The following RBFOX1 variants were observed in gnomAD, a reference collection of about 807,000 sequenced individuals.
RBFOX1 encodes RNA binding protein fox-1 homolog 1.
Under a neutral mutation model 57.7 loss-of-function variants are expected in RBFOX1, and 8 were observed. The observed-to-expected ratio is 0.14, with a 90% CI of 0.08 to 0.25. RBFOX1 has a LOEUF of 0.25. Ranked by LOEUF, RBFOX1 falls within the 10% of genes least tolerant of loss-of-function variation. RBFOX1 has a pLI of 1.00. For synonymous variants in RBFOX1, 326 were observed against 222.4 expected, an observed-to-expected ratio of 1.47 and a Z score of -4.15; for missense variants, 611 against 548.5, an observed-to-expected ratio of 1.11 and a Z score of -1.14.
At chr16:7,650,313 CTTTTTT>C (rs35693712) in intron 11 of RBFOX1, among the ~76,000 whole-genome samples, 2 of 138,918 alleles carry the variant, frequency 1.4e-5, no homozygotes, top group Non-Finnish European at 3.1e-5. Flanking sequence ...GTGGAACTCT[CTTTTTT>C]TTTTTTTTTT....
intron 1 of RBFOX1, among the ~76,000 whole-genome samples, chr16:5,292,530 C>G (rs1000409877): frequency 2.1e-4 from 32 of 152,148 alleles, no homozygotes; most frequent in African/African-American, 7.5e-4. Context: ...TCCATTAAGA[C>G]CCAATGCAAA....
intron 3 of RBFOX1, among the ~76,000 whole-genome samples, chr16:5,829,128 A>G (rs1424119440): frequency 6.6e-6 from 1 of 152,166 alleles, no homozygotes; most frequent in African/African-American, 2.4e-5. Context: ...AGACCACTCA[A>G]AGGAATGTGT....
chr16:5,408,196 G>GGCTTTT (rs2066915687), intron 1 of RBFOX1, among the ~76,000 whole-genome samples: 1 of 152,172 alleles, frequency 6.6e-6, no homozygotes. Flanking sequence ...GCCAGGAGGA[G>GGCTTTT]GCTTTTATTA....
intron 3 of RBFOX1, among the ~76,000 whole-genome samples, chr16:6,967,718 G>A (rs137987773): frequency 2.0e-5 from 3 of 152,038 alleles, no homozygotes; most frequent in South Asian, 2.1e-4. Context: ...TTGGTCAAAT[G>A]GGTCTTCTTT....
At chr16:5,941,622 A>T (rs948742125) in intron 4 of RBFOX1, among the ~76,000 whole-genome samples, 3 of 152,206 alleles carry the variant, frequency 2.0e-5, no homozygotes, top group Non-Finnish European at 2.9e-5. Flanking sequence ...ATATGTGCTC[A>T]ATTAAAATGT....
At chr16:6,865,249 C>T (rs375264281) in intron 3 of RBFOX1, among the ~76,000 whole-genome samples, 25 of 151,876 alleles carry the variant, frequency 1.6e-4, no homozygotes, top group African/African-American at 2.9e-4. Flanking sequence ...GTGATCCACC[C>T]GCCTTGGCCT....
intron 4 of RBFOX1, among the ~76,000 whole-genome samples, chr16:7,278,327 G>C (rs150287901): frequency 6.6e-6 from 1 of 152,154 alleles, no homozygotes; most frequent in African/African-American, 2.4e-5. Flanking sequence ...ACCTCCTTCA[G>C]TGTCTCTAGA....
At chr16:6,151,230 A>G (rs2096795236) in intron 1 of RBFOX1, among the ~76,000 whole-genome samples, 1 of 152,168 alleles carries the variant, frequency 6.6e-6, no homozygotes, top group African/African-American at 2.4e-5. Flanking sequence ...AGGCTTAAGG[A>G]ACCCCGCGAC....
At chr16:7,385,167 A>G (rs2097855043) in intron 4 of RBFOX1, among the ~76,000 whole-genome samples, 1 of 152,250 alleles carries the variant, frequency 6.6e-6, no homozygotes, top group African/African-American at 2.4e-5. Flanking sequence ...AACCACGATA[A>G]TGAATATAAG....
Position 6,097,372 on chromosome 16 carries a change from C to G in RBFOX1, c.-127+77380C>G, listed in dbSNP as rs1415827145. ...TATTAAAATTTTGCAAGCCGCCACT[C>G]TAGAGAAGTACCACTCAAACCATGG... On this transcript the variant is annotated intron_variant, in intron 1 of 15. Transcript: ENST00000550418. This position sits in a 1 kb window ranked among gnomAD's most constrained non-coding sequence, Gnocchi z 5.0. Among the ~76,000 whole-genome samples, 4 of 152,110 alleles carry G rather than the reference C, an allele frequency of 2.6e-5. No individual in the cohort carries two copies. Among genetic ancestry groups the G allele is most frequent in the African/African-American group, 9.7e-5 (4 of 41,410 alleles).
At chr16:5,314,829 G>GGA (rs1555487992) in intron 1 of RBFOX1, among the ~76,000 whole-genome samples, 2 of 139,450 alleles carry the variant, frequency 1.4e-5, no homozygotes, top group Non-Finnish European at 3.1e-5. Flanking sequence ...GAAGATATTG[G>GGA]AAAAAAAAAA....
At chr16:5,969,450 T>A (rs980547189) in intron 4 of RBFOX1, among the ~76,000 whole-genome samples, 1 of 150,932 alleles carries the variant, frequency 6.6e-6, no homozygotes, top group African/African-American at 2.4e-5. Context: ...TAGCTGGGAT[T>A]ACAGGCACAT....
intron 3 of RBFOX1, among the ~76,000 whole-genome samples, chr16:6,912,967 C>T (rs764687457): frequency 4.6e-5 from 7 of 152,012 alleles, no homozygotes; most frequent in African/African-American, 7.2e-5. Context: ...CAATATCTCA[C>T]CTCATCTGGC....
intron 2 of RBFOX1, among the ~76,000 whole-genome samples, chr16:6,601,123 T>C (rs147978973): frequency 0.019 from 2,910 of 152,344 alleles, 50 homozygotes; most frequent in Admixed American, 0.044. Flanking sequence ...CCCTTTAGCC[T>C]AGTTGTAAAG....
At position 7,034,384 on chromosome 16, in the gene RBFOX1, T is replaced by A. The variant is rs1388936929; in HGVS notation, c.-15-17673T>A. On this transcript the variant is annotated intron_variant, in intron 3 of 15. Transcript: ENST00000550418. Reference sequence around the variant, plus strand: ...GTGCTGGAGGAGAGGGGGCTGAGGTTGGAGATCATCAATGCACCAGGGGTC... The same window carrying A: ...GTGCTGGAGGAGAGGGGGCTGAGGTAGGAGATCATCAATGCACCAGGGGTC... Among the ~76,000 whole-genome samples, 3 of 152,040 alleles carry A rather than the reference T, an allele frequency of 2.0e-5. No individual in the cohort carries two copies. The East Asian group carries it at 5.8e-4, about 29-fold the overall frequency.
At chr16:7,283,078 T>A (rs957531618) in intron 4 of RBFOX1, among the ~76,000 whole-genome samples, 8 of 152,188 alleles carry the variant, frequency 5.3e-5, no homozygotes, top group African/African-American at 1.7e-4. Context: ...CAGGTATCTT[T>A]TTTGTATAAC....
chr16:6,485,973 T>C (rs761591867), intron 2 of RBFOX1, among the ~76,000 whole-genome samples: 2 of 151,704 alleles, frequency 1.3e-5, no homozygotes, highest in African/African-American at 2.4e-5. Context: ...TTGTATGATA[T>C]TGTGTTCCTT....
At chr16:5,845,440 T>C (rs1199724523) in intron 3 of RBFOX1, among the ~76,000 whole-genome samples, 2 of 152,160 alleles carry the variant, frequency 1.3e-5, no homozygotes, top group Non-Finnish European at 2.9e-5. Flanking sequence ...GAGTTTCAGA[T>C]CTCAGTTTAT....
rs767678711 is a variant in RBFOX1 at position 7,333,102 on chromosome 16, TCTGC to T, written c.28-185043_28-185040del. On this transcript the variant is annotated intron_variant, in intron 4 of 15. Coordinates refer to ENST00000550418, the MANE Select transcript of RBFOX1 (RefSeq NM_018723.4). ...GGACTGATTCAGGTAATTCAAGGCC[TCTGC>T]CAGCCAGCAACTTAACTCCAGAGTG... The T allele has an allele frequency of 3.9e-5, 62 of 1,610,270 alleles. No individual in the cohort carries two copies. Among genetic ancestry groups the T allele is most frequent in the Middle Eastern group, 3.3e-4 (2 of 6,066 alleles).
Sources: gnomAD v4.1 joint callset for allele counts (sites outside exome capture counted in the v4.1 genomes callset) on GRCh38, gnomAD v4.1.1 for gene constraint, Gnocchi (gnomAD v3.1) non-coding constraint, MANE v1.5 for transcripts, NCBI Gene and HGNC (gene_info 2026-07-23, HGNC 2026-07-21) for gene names.